Variants in EPHB4 observed in about 807,000 individuals in gnomAD.
EPHB4 encodes EPH receptor B4.
Under a neutral mutation model 110.6 loss-of-function variants are expected in EPHB4, and 50 were observed. That is an observed-to-expected ratio of 0.45 (90% CI 0.36 to 0.57). The LOEUF (loss-of-function observed/expected upper bound fraction) is 0.57. EPHB4 is among the 20% of genes least tolerant of loss of function. EPHB4 has a pLI of 0.00. For synonymous variants in EPHB4, 592 were observed against 578.4 expected (o/e 1.02, Z -0.34); for missense variants, 1,128 against 1,382.1 (o/e 0.82, Z 2.91).
chr7:100,806,672 T>A, intron 13 of EPHB4, 103 bp from the exon 14 acceptor site: 1 of 1,374,118 alleles, frequency 7.3e-7, no homozygotes, highest in Non-Finnish European at 9.8e-7. Context: ...TTTTTCCCCC[T>A]AGCTCAGGCC....
intron 13 of EPHB4, 66 bp from the exon 14 acceptor site, chr7:100,806,635 G>GC (rs1812823374): frequency 1.2e-5 from 19 of 1,534,090 alleles, no homozygotes; most frequent in Non-Finnish European, 1.4e-5. Context: ...CCAGCACACT[G>GC]CCCCCCAGTC....
At chr7:100,816,297 C>T (rs528414663) in intron 8 of EPHB4, among the ~76,000 whole-genome samples, 2 of 152,010 alleles carry the variant, frequency 1.3e-5, no homozygotes, top group East Asian at 3.9e-4. Flanking sequence ...GAATGGGGAG[C>T]TCAGGGGTCA....
chr7:100,813,547 C>G, intron 10 of EPHB4, 105 bp downstream of exon 10: 1 of 1,253,310 alleles, frequency 8.0e-7, no homozygotes, highest in Non-Finnish European at 1.1e-6. Context: ...AACTCCTGAC[C>G]TCAAGTGATC....
Position 100,803,439 on chromosome 7 carries a change from T to C in EPHB4, c.*22A>G. 6.5e-7 allele frequency: 1 copy of C among 1,528,244 alleles called. No individual in the cohort carries two copies. The highest frequency in any genetic ancestry group is 1.2e-5 in the South Asian group (1 of 80,398). The allele number at this position is 1,528,244 out of a possible 1,614,324, so 94.7% of individuals were successfully genotyped here. The stretch of plus-strand genomic sequence containing the variant: ...CCGGAAAATGGGGAGGCGGTGTCCC[T>C]GGGGTGGGGAGTTCCTGCAGGTCAG... On this transcript the variant is annotated 3_prime_UTR_variant, in exon 17 of 17. Coordinates refer to ENST00000358173, the MANE Select transcript of EPHB4 (RefSeq NM_004444.5).
intron 16 of EPHB4, 139 bp downstream of exon 16, chr7:100,805,027 T>C: frequency 8.3e-7 from 1 of 1,202,066 alleles, no homozygotes; most frequent in Non-Finnish European, 1.1e-6. Flanking sequence ...TCTGGGGCCC[T>C]TCTAGGCATG....
intron 10 of EPHB4, 56 bp from the exon 11 acceptor site, chr7:100,813,264 G>C (rs937962603): frequency 7.0e-7 from 1 of 1,420,406 alleles, no homozygotes; most frequent in South Asian, 1.2e-5. Flanking sequence ...TGGACTCGGA[G>C]GCTCGGCTCA....
At chr7:100,811,745 G>A (rs892548150) in intron 12 of EPHB4, among the ~76,000 whole-genome samples, 1 of 151,628 alleles carries the variant, frequency 6.6e-6, no homozygotes, top group East Asian at 2.0e-4. Flanking sequence ...TGGTACATGA[G>A]TGTAGTTCCA....
At chr7:100,823,592 C>A in intron 3 of EPHB4, 52 bp downstream of exon 3, 2 of 1,586,472 alleles carry the variant, frequency 1.3e-6, no homozygotes, top group East Asian at 2.2e-5. Context: ...CACGGGCCTG[C>A]TGGCTGGAAT....
intron 8 of EPHB4, among the ~76,000 whole-genome samples, chr7:100,814,326 T>G (rs1484938348): frequency 3.3e-5 from 5 of 152,242 alleles, no homozygotes; most frequent in African/African-American, 1.2e-4. Context: ...TCGCCCAGGC[T>G]GGAGTGCAGT....
intron 1 of EPHB4, 83 bp from the exon 2 acceptor site, chr7:100,824,356 G>A: frequency 6.9e-7 from 1 of 1,450,092 alleles, no homozygotes; most frequent in Non-Finnish European, 9.7e-7. Context: ...ACCGAGGCAG[G>A]TGGATCCTCT....
At chr7:100,824,147 G>A (rs534340244) in intron 2 of EPHB4, 56 bp downstream of exon 2, 94 of 1,608,546 alleles carry the variant, frequency 5.8e-5, no homozygotes, top group Non-Finnish European at 7.6e-5. Flanking sequence ...CGGCACAGGC[G>A]CCCTCTCCTC....
Position 100,819,666 on chromosome 7 carries a change from T to G in EPHB4, c.1188A>C (p.Leu396=). 1.9e-6 allele frequency: 3 copies of G among 1,613,838 alleles called. No homozygotes were observed. The highest frequency in any genetic ancestry group is 2.5e-6 in the Non-Finnish European group (3 of 1,179,946). ...LVEPWVVVRG[L]RPDFTYTFEV... ...CAAAGGTATAGGTGAAGTCAGGACGTAGCCCTCGAACCACCACCCAGGGCT... is the reference window on the plus strand; with the variant it reads ...CAAAGGTATAGGTGAAGTCAGGACGGAGCCCTCGAACCACCACCCAGGGCT... The change falls in exon 6 of 17, where the codon CTA becomes CTC. Residue 396 remains leucine (L), a synonymous_variant. Coordinates refer to ENST00000358173, the MANE Select transcript of EPHB4 (RefSeq NM_004444.5).
Position 100,823,633 on chromosome 7 carries a change from C to A in EPHB4, c.411+11G>T. 1.9e-6 allele frequency: 3 copies of A among 1,608,698 alleles called. No individual in the cohort carries two copies. Among genetic ancestry groups the A allele is most frequent in the Non-Finnish European group, 2.5e-6 (3 of 1,176,760 alleles). On this transcript the variant is annotated intron_variant, in intron 3 of 16. Coordinates refer to ENST00000358173, the MANE Select transcript of EPHB4 (RefSeq NM_004444.5). ...CTTGGCTGTGGCTGAGCCCTGGGGGCACCCAGGTACCTTGATGTAGGGGTT... is the reference window on the plus strand; with the variant it reads ...CTTGGCTGTGGCTGAGCCCTGGGGGAACCCAGGTACCTTGATGTAGGGGTT...
In EPHB4 at chr7:100,806,411, G is replaced by A; in HGVS notation, c.2484+9C>T. On this transcript the variant is annotated intron_variant, in intron 14 of 16. Transcript: ENST00000358173. The stretch of plus-strand genomic sequence containing the variant: ...CGAGGAAAGCTTGGTAGGACCACGG[G>A]ACACTTACGTCCTGATTGCTCATGT... The A allele has an allele frequency of 2.5e-6, 4 of 1,610,028 alleles. No homozygotes were observed. The highest frequency in any genetic ancestry group is 3.4e-6 in the Non-Finnish European group (4 of 1,177,644).
At chr7:100,824,374 G>A in intron 1 of EPHB4, 101 bp from the exon 2 acceptor site, 1 of 1,264,088 alleles carries the variant, frequency 7.9e-7, no homozygotes, top group Non-Finnish European at 1.1e-6. Flanking sequence ...TCTTAGCTCT[G>A]AGCTAGAGGA....
Position 100,804,383 on chromosome 7 carries a change from C to T in EPHB4, c.2834+783G>A, listed in dbSNP as rs58489777. ...AGGCTGGAGTGCAGTGGTGCGATCT[C>T]GGCTCACTGCAACCTCCACCTCCCG... On this transcript the variant is annotated intron_variant, in intron 16 of 16. Coordinates refer to ENST00000358173, the MANE Select transcript of EPHB4 (RefSeq NM_004444.5). 5.0e-3 allele frequency among the ~76,000 whole-genome samples: 684 copies of T among 136,590 alleles called. 3 individuals are homozygous for T. Among genetic ancestry groups the T allele is most frequent in the African/African-American group, 0.018 (640 of 35,900 alleles). 89.6% of individuals were successfully genotyped at this position (136,590 alleles called of 152,430 possible).
intron 16 of EPHB4, among the ~76,000 whole-genome samples, chr7:100,804,845 A>G (rs181701499): frequency 6.6e-6 from 1 of 152,320 alleles, no homozygotes; most frequent in East Asian, 1.9e-4. Context: ...CCGAGTTGAC[A>G]CATTGTTACC....
chr7:100,808,413 T>C (rs1471236467), intron 12 of EPHB4, among the ~76,000 whole-genome samples: 1 of 151,946 alleles, frequency 6.6e-6, no homozygotes, highest in Non-Finnish European at 1.5e-5. Context: ...TTTTGGTAGA[T>C]ATGGGGTCTC....
At position 100,826,962 on chromosome 7, in the gene EPHB4, C is replaced by A. The variant is rs549419150; in HGVS notation, c.52+17G>T. On this transcript the variant is annotated intron_variant, in intron 1 of 16. Coordinates refer to ENST00000358173, the MANE Select transcript of EPHB4 (RefSeq NM_004444.5). ...CCAGGAGTGACGGGGTGCGCCCCCC[C>A]CCGCAAGGAAACTCACCTTCCAAAG... 45 of 1,527,228 alleles carry A rather than the reference C, an allele frequency of 2.9e-5. No individual in the cohort carries two copies. The highest frequency in any genetic ancestry group is 1.9e-4 in the South Asian group (16 of 83,352). 94.6% of individuals were successfully genotyped at this position (1,527,228 alleles called of 1,614,324 possible).
Sources: gnomAD v4.1 joint callset for allele counts (sites outside exome capture counted in the v4.1 genomes callset) on GRCh38, gnomAD v4.1.1 for gene constraint, MANE v1.5 for transcripts, NCBI Gene and HGNC (gene_info 2026-07-23, HGNC 2026-07-21) for gene names.